The following NTPCR variants were observed in gnomAD, a reference collection of about 807,000 sequenced individuals.
NTPCR encodes the protein nucleoside-triphosphatase, cancer-related.
Under a neutral mutation model 19.5 loss-of-function variants are expected in NTPCR, and 15 were observed. The ratio of observed to expected loss-of-function variants is 0.77; its 90% CI spans 0.51 to 1.18. The LOEUF (loss-of-function observed/expected upper bound fraction) is 1.18, where lower values mean the gene tolerates loss of function less well. NTPCR is among the 50% of genes most tolerant of loss of function. The probability of loss-of-function intolerance (pLI) is 0.00; values close to 1 mark genes in which losing one functional copy is unlikely to be tolerated. For synonymous variants in NTPCR, 90 were observed against 95.8 expected, an observed-to-expected ratio of 0.94 and a Z score of 0.36; for missense variants, 206 against 240.4, an observed-to-expected ratio of 0.86 and a Z score of 0.95.
intron 4 of NTPCR, among the ~76,000 whole-genome samples, chr1:232,970,670 C>A (rs6671461): frequency 3.9e-5 from 6 of 151,962 alleles, no homozygotes; most frequent in Non-Finnish European, 8.8e-5. Context: ...AGCCACATCT[C>A]GCTATTTATG....
rs1365995277 is a variant in NTPCR, at chr1:232,979,555, A to G, written c.*1324A>G. 16 of 152,320 alleles carry G rather than the reference A, an allele frequency of 1.1e-4. No homozygotes were observed. The highest frequency in any genetic ancestry group is 9.8e-4 in the Admixed American group (15 of 15,288). 9.4% of individuals were successfully genotyped at this position (152,320 alleles called of 1,614,324 possible). A position where few individuals can be genotyped will look rare whatever the true frequency, so the allele number is the denominator to read the frequency against. ...CTTGCCTAGCCTTGGAGGGACCACA[A>G]CAGGGAGGCCTAATAGATTATGAAC... On this transcript the variant is annotated 3_prime_UTR_variant, in exon 5 of 5. Coordinates refer to ENST00000366628, the MANE Select transcript of NTPCR (RefSeq NM_032324.3). The surrounding 1 kb of genome is among the most constrained non-coding windows in gnomAD (Gnocchi z 5.3).
At chr1:232,976,743 C>T (rs1278651948) in intron 4 of NTPCR, 4 of 572,366 alleles carry the variant, frequency 7.0e-6, no homozygotes, top group Admixed American at 3.9e-5. Flanking sequence ...ACGGGACTGA[C>T]GCAGCCAGGA....
chr1:232,978,320 G>T lies in NTPCR; in HGVS notation c.*89G>T. ...TGCCTGTCGAGGCTGTATGCCTATG[G>T]GGTTATGGAACCTTGTGGGCTTTTC... On this transcript the variant is annotated 3_prime_UTR_variant, in exon 5 of 5. Coordinates refer to ENST00000366628, the MANE Select transcript of NTPCR (RefSeq NM_032324.3). 1 of 1,074,624 alleles carries T rather than the reference G, an allele frequency of 9.3e-7. No individual in the cohort carries two copies. The highest frequency in any genetic ancestry group is 1.4e-6 in the Non-Finnish European group (1 of 715,342). The allele number at this position is 1,074,624 out of a possible 1,614,324, so 66.6% of individuals were successfully genotyped here. A position where few individuals can be genotyped will look rare whatever the true frequency, so the allele number is the denominator to read the frequency against.
At chr1:232,967,055 G>A (rs1386598727) in intron 3 of NTPCR, 1 of 152,218 alleles carries the variant, frequency 6.6e-6, no homozygotes, top group Non-Finnish European at 1.5e-5. Flanking sequence ...CTGGGGGTTG[G>A]GGAGGGGTTC....
intron 4 of NTPCR, among the ~76,000 whole-genome samples, chr1:232,970,952 G>T (rs1157300974): frequency 6.6e-6 from 1 of 152,152 alleles, no homozygotes; most frequent in African/African-American, 2.4e-5. Flanking sequence ...GATCTGTTCT[G>T]GCAAGTTCTC....
chr1:232,950,978 T>G, intron 1 of NTPCR: 1 of 473,258 alleles, frequency 2.1e-6, no homozygotes, highest in Non-Finnish European at 3.7e-6. Context: ...GGTCCTAGAC[T>G]GGCTTCTTGA....
intron 4 of NTPCR, among the ~76,000 whole-genome samples, chr1:232,972,565 A>G (rs1669013520): frequency 6.6e-6 from 1 of 152,156 alleles, no homozygotes; most frequent in African/African-American, 2.4e-5. Context: ...AGCTGGGACT[A>G]CAGGCATGTG....
chr1:232,971,778 G>A (rs189502971), intron 4 of NTPCR, among the ~76,000 whole-genome samples: 3 of 152,284 alleles, frequency 2.0e-5, no homozygotes, highest in South Asian at 2.1e-4. Context: ...TAGCAAGGGC[G>A]ATCAGGGAAG....
At chr1:232,972,413 T>C (rs7539514) in intron 4 of NTPCR, among the ~76,000 whole-genome samples, 32,006 of 151,370 alleles carry the variant, frequency 0.21, 3,362 homozygotes, top group African/African-American at 0.23. Context: ...TTTCCAGTTT[T>C]ATAAATCAAG....
At chr1:232,958,858 A>G (rs960884437) in intron 3 of NTPCR, among the ~76,000 whole-genome samples, 3 of 152,224 alleles carry the variant, frequency 2.0e-5, no homozygotes, top group Non-Finnish European at 2.9e-5. Context: ...AGAATTTTTT[A>G]CTTACCCTGC....
chr1:232,953,033 T>A (rs567062429), intron 1 of NTPCR, among the ~76,000 whole-genome samples: 1 of 152,266 alleles, frequency 6.6e-6, no homozygotes, highest in East Asian at 1.9e-4. Context: ...ACTTTCTCAC[T>A]CCTCAGACAG....
In NTPCR at chr1:232,978,177, C is replaced by T. The variant is rs1669195923; in HGVS notation, c.519C>T (p.Asn173=). The change falls in exon 5 of 5, where the codon AAC becomes AAT. Residue 173 remains asparagine (N), a synonymous_variant. Coordinates refer to ENST00000366628, the MANE Select transcript of NTPCR (RefSeq NM_032324.3). ...TCTTCCCACAGGTCACCAAGGAAAA[C>T]AGAAACCACCTTCTGCCAGATATCG... The part of the protein sequence containing the change: ...DVKVFNVTKE[N]RNHLLPDIVT... 1 of 1,614,104 alleles carries T rather than the reference C, an allele frequency of 6.2e-7. No individual in the cohort carries two copies. The highest frequency in any genetic ancestry group is 8.5e-7 in the Non-Finnish European group (1 of 1,179,952).
rs184378553 is a variant in NTPCR at position 232,974,212 on chromosome 1, C to T, written c.505-3951C>T. 5.3e-4 allele frequency among the ~76,000 whole-genome samples: 81 copies of T among 152,240 alleles called. 2 individuals carry two copies. The East Asian group carries it at 0.013, about 25-fold the overall frequency. On this transcript the variant is annotated intron_variant, in intron 4 of 4. Transcript: ENST00000366628. ...GTGACAGCAGATTTCTCAGGAGAAA[C>T]CATGAAGGCCAGAAGGAGGTGGTAC...
At position 232,983,272 on chromosome 1, in the gene NTPCR, G is replaced by A. The variant is rs2102767783; in HGVS notation, c.*5041G>A. ...GTTCACCAGGCCAGTGATACTCTATGGACTGCATTTTGGGACCTCTACCCC... is the reference window on the plus strand; with the variant it reads ...GTTCACCAGGCCAGTGATACTCTATAGACTGCATTTTGGGACCTCTACCCC... On this transcript the variant is annotated 3_prime_UTR_variant, in exon 5 of 5. Coordinates refer to ENST00000366628, the MANE Select transcript of NTPCR (RefSeq NM_032324.3). 1 of 152,232 alleles carries A rather than the reference G, an allele frequency of 6.6e-6. No individual in the cohort carries two copies. The highest frequency in any genetic ancestry group is 1.5e-5 in the Non-Finnish European group (1 of 68,016). 9.4% of individuals were successfully genotyped at this position (152,232 alleles called of 1,614,324 possible). A position where few individuals can be genotyped will look rare whatever the true frequency, so the allele number is the denominator to read the frequency against.
chr1:232,979,738 G>A lies in NTPCR; in HGVS notation c.*1507G>A, dbSNP rs1669236125. 1.3e-5 allele frequency: 2 copies of A among 152,298 alleles called. No homozygotes were observed. Among genetic ancestry groups the A allele is most frequent in the South Asian group, 4.1e-4 (2 of 4,836 alleles). The allele number at this position is 152,298 out of a possible 1,614,324, so 9.4% of individuals were successfully genotyped here. A position where few individuals can be genotyped will look rare whatever the true frequency, so the allele number is the denominator to read the frequency against. On this transcript the variant is annotated 3_prime_UTR_variant, in exon 5 of 5. Transcript: ENST00000366628. The surrounding 1 kb of genome is among the most constrained non-coding windows in gnomAD (Gnocchi z 5.3). The stretch of plus-strand genomic sequence containing the variant: ...GCCACCATCACCAGGACACCGGTGT[G>A]GGCTGCATGCCTCAGTGGGCCAGGA...
At chr1:232,956,522 C>G (rs1422600623) in intron 3 of NTPCR, 79 bp downstream of exon 3, 4 of 996,188 alleles carry the variant, frequency 4.0e-6, no homozygotes, top group Middle Eastern at 2.0e-4. Context: ...AAACAGAATG[C>G]CTTTTGCTCT....
Position 232,976,427 on chromosome 1 carries a change from A to G in NTPCR, c.505-1736A>G, listed in dbSNP as rs1256768769. On this transcript the variant is annotated intron_variant, in intron 4 of 4. Coordinates refer to ENST00000366628, the MANE Select transcript of NTPCR (RefSeq NM_032324.3). Reference sequence around the variant, plus strand: ...CTCACAGAGCCTGGCTGGAGGCAGAAGCTACTGCAATCACTGCTGAACTCA... The same window carrying G: ...CTCACAGAGCCTGGCTGGAGGCAGAGGCTACTGCAATCACTGCTGAACTCA... 2.6e-6 allele frequency: 4 copies of G among 1,550,522 alleles called. No homozygotes were observed. The African/African-American group carries it at 4.1e-5, about 16-fold the overall frequency.
chr1:232,958,925 G>T (rs1418935162), intron 3 of NTPCR, among the ~76,000 whole-genome samples: 1 of 152,166 alleles, frequency 6.6e-6, no homozygotes, highest in Non-Finnish European at 1.5e-5. Flanking sequence ...TTAGTGTCTA[G>T]ATGCAAGATT....
intron 4 of NTPCR, among the ~76,000 whole-genome samples, chr1:232,970,911 C>T (rs1286224098): frequency 6.6e-6 from 1 of 152,068 alleles, no homozygotes; most frequent in South Asian, 2.1e-4. Flanking sequence ...TGCCCTGGTC[C>T]AAGGAGTCAA....
Sources: gnomAD v4.1 joint callset for allele counts (sites outside exome capture counted in the v4.1 genomes callset) on GRCh38, gnomAD v4.1.1 for gene constraint, Gnocchi (gnomAD v3.1) non-coding constraint, MANE v1.5 for transcripts, NCBI Gene and HGNC (gene_info 2026-07-23, HGNC 2026-07-21) for gene names.